Variants in DNAH3 observed in about 807,000 individuals in gnomAD.
DNAH3 encodes axonemal beta dynein heavy chain 3.
DNAH3 carries 332 observed loss-of-function variants against 432.5 expected under a neutral mutation model. The ratio of observed to expected loss-of-function variants is 0.77; its 90% confidence interval spans 0.70 to 0.84. The LOEUF is 0.84. Ranked by LOEUF, DNAH3 falls within the 40% of genes least tolerant of loss-of-function variation. The pLI is 0.00. For missense variants in DNAH3, 4,861 were observed against 5,114.0 expected (o/e 0.95, Z 1.51); for synonymous variants, 1,956 against 1,900.2 (o/e 1.03, Z -0.76).
intron 41 of DNAH3, among the ~76,000 whole-genome samples, chr16:21,007,032 T>C (rs1295616612): frequency 1.3e-5 from 2 of 152,218 alleles, no homozygotes; most frequent in Non-Finnish European, 2.9e-5. Flanking sequence ...ATTTCCATTA[T>C]GGTAGATGAG....
At chr16:21,141,485 A>G (rs1309745902) in intron 3 of DNAH3, 113 bp from the exon 5 acceptor site, 4 of 736,176 alleles carry the variant, frequency 5.4e-6, no homozygotes, top group South Asian at 1.8e-5. Context: ...GGGAGCGGAC[A>G]TGGTACGGTG....
intron 31 of DNAH3, among the ~76,000 whole-genome samples, chr16:21,046,034 G>A (rs1353675657): frequency 1.3e-5 from 2 of 152,056 alleles, no homozygotes; most frequent in Non-Finnish European, 2.9e-5. Flanking sequence ...CCTGTGGTCT[G>A]AGAGATAGTT....
chr16:21,003,178 G>C (rs2087115033), exon 42 of DNAH3: 10 of 1,609,786 alleles, frequency 6.2e-6, no homozygotes, highest in Non-Finnish European at 8.5e-6. Flanking sequence ...CCACTAGCTT[G>C]TTTGATAAAA....
intron 14 of DNAH3, among the ~76,000 whole-genome samples, chr16:21,110,852 G>A (rs1395336079): frequency 2.6e-5 from 4 of 151,686 alleles, no homozygotes; most frequent in African/African-American, 9.7e-5. Flanking sequence ...CCAGCCTAGG[G>A]GACAGAACAA....
At chr16:20,958,498 G>A (rs984084266) in intron 54 of DNAH3, among the ~76,000 whole-genome samples, 1 of 152,128 alleles carries the variant, frequency 6.6e-6, no homozygotes, top group Non-Finnish European at 1.5e-5. Context: ...AGAGCTGTAA[G>A]ATAACTTCTC....
chr16:21,021,645 T>C (rs553616027), intron 40 of DNAH3, among the ~76,000 whole-genome samples: 1 of 152,002 alleles, frequency 6.6e-6, no homozygotes, highest in Admixed American at 6.6e-5. Context: ...CGCTGTGGCT[T>C]ATGCCTGTAA....
intron 40 of DNAH3, 26 bp downstream of exon 40, chr16:21,021,945 G>A: frequency 6.2e-7 from 1 of 1,612,552 alleles, no homozygotes; most frequent in South Asian, 1.1e-5. Context: ...CCCCCATGTG[G>A]CTTAAGAATC....
chr16:20,948,598 T>G (rs1436459009), exon 57 of DNAH3: 1 of 1,614,108 alleles, frequency 6.2e-7, no homozygotes, highest in East Asian at 2.2e-5. Flanking sequence ...GAGACGCCGG[T>G]CTTTGTCATC....
chr16:20,970,410 G>T (rs1317806882), intron 51 of DNAH3, among the ~76,000 whole-genome samples: 2 of 152,142 alleles, frequency 1.3e-5, no homozygotes, highest in Non-Finnish European at 2.9e-5. Flanking sequence ...TGTAATCTCA[G>T]CTACTCAGGA....
intron 49 of DNAH3, among the ~76,000 whole-genome samples, chr16:20,981,420 T>A (rs575850031): frequency 6.6e-6 from 1 of 152,296 alleles, no homozygotes; most frequent in East Asian, 1.9e-4. Context: ...CTTCCTCATT[T>A]TTCATCCATT....
intron 39 of DNAH3, 117 bp from the exon 40 acceptor site, chr16:21,022,217 A>G: frequency 9.1e-7 from 1 of 1,099,520 alleles, no homozygotes; most frequent in Non-Finnish European, 1.3e-6. Flanking sequence ...ATTTAAATGT[A>G]GGTGCATTGG....
At chr16:21,021,525 T>C (rs577948868) in intron 40 of DNAH3, among the ~76,000 whole-genome samples, 1 of 152,264 alleles carries the variant, frequency 6.6e-6, no homozygotes, top group South Asian at 2.1e-4. Context: ...CAAACTCTAC[T>C]ATCTGCACTC....
At chr16:20,947,060 A>G (rs1281347952) in intron 57 of DNAH3, among the ~76,000 whole-genome samples, 1 of 151,774 alleles carries the variant, frequency 6.6e-6, no homozygotes, top group Non-Finnish European at 1.5e-5. Flanking sequence ...CCTGACCCCA[A>G]GCCATCCACC....
At chr16:21,155,820 G>C (rs961330097) in intron 1 of DNAH3, among the ~76,000 whole-genome samples, 8 of 152,070 alleles carry the variant, frequency 5.3e-5, no homozygotes, top group South Asian at 2.1e-4. Flanking sequence ...CCTGCCTCTT[G>C]TTATCAAGAG....
chr16:21,104,705 C>T (rs1318815550), intron 15 of DNAH3, 111 bp from the exon 16 acceptor site: 3 of 643,530 alleles, frequency 4.7e-6, no homozygotes, highest in Non-Finnish European at 8.5e-6. Context: ...GTGGGGGTGG[C>T]AATGAACACA....
At chr16:20,965,319 G>A in exon 53 of DNAH3, 1 of 1,611,212 alleles carries the variant, frequency 6.2e-7, no homozygotes, top group South Asian at 1.1e-5. Context: ...TCCGCTTCAT[G>A]GTCAGTGGGG....
chr16:20,941,113 G>GA (rs2083790444), intron 59 of DNAH3, among the ~76,000 whole-genome samples: 1 of 151,996 alleles, frequency 6.6e-6, no homozygotes, highest in African/African-American at 2.4e-5. Context: ...AAAGAAAAAT[G>GA]AAAGTGGCTC....
intron 47 of DNAH3, 80 bp from the exon 48 acceptor site, chr16:20,985,795 T>C: frequency 7.1e-7 from 1 of 1,399,168 alleles, no homozygotes; most frequent in East Asian, 2.3e-5. Flanking sequence ...AGGGAGGGCA[T>C]GGGAGACGTG....
chr16:21,031,639 G>A (rs1000864680), intron 36 of DNAH3, among the ~76,000 whole-genome samples: 2 of 152,114 alleles, frequency 1.3e-5, no homozygotes, highest in African/African-American at 4.8e-5. Context: ...ATCTGGATAG[G>A]CAATGCCTTA....
Sources: gnomAD v4.1 joint callset for allele counts (sites outside exome capture counted in the v4.1 genomes callset) on GRCh38, gnomAD v4.1.1 for gene constraint, MANE v1.5 for transcripts, NCBI Gene and HGNC (gene_info 2026-07-23, HGNC 2026-07-21) for gene names.